The following CBFA2T3 variants were observed in gnomAD, a reference collection of about 807,000 sequenced individuals.
The protein encoded by CBFA2T3 is transcriptional corepressor CBFA2T3.
A neutral mutation model predicts 58.6 loss-of-function variants in CBFA2T3; 31 were observed. The ratio of observed to expected loss-of-function variants is 0.53; its 90% CI spans 0.40 to 0.71. The LOEUF (loss-of-function observed/expected upper bound fraction) is 0.71, where lower values mean the gene tolerates loss of function less well. Among genes scored for constraint, CBFA2T3 ranks in the 30% least tolerant of loss-of-function variants. CBFA2T3 has a pLI of 0.00. For missense variants in CBFA2T3, 1,076 were observed against 963.1 expected, an observed-to-expected ratio of 1.12 and a Z score of -1.55; for synonymous variants, 531 against 421.9, an observed-to-expected ratio of 1.26 and a Z score of -3.17.
intron 1 of CBFA2T3, among the ~76,000 whole-genome samples, chr16:88,907,252 G>C (rs544108585): frequency 6.6e-6 from 1 of 152,164 alleles, no homozygotes; most frequent in Non-Finnish European, 1.5e-5. Flanking sequence ...AGGCCTGGCC[G>C]CCCAGCACAA....
intron 1 of CBFA2T3, among the ~76,000 whole-genome samples, chr16:88,971,006 G>A (rs1331294976): frequency 6.6e-6 from 1 of 152,182 alleles, no homozygotes; most frequent in East Asian, 1.9e-4. Flanking sequence ...CCGCCAGGCA[G>A]CCGGGGCTGT....
intron 1 of CBFA2T3, among the ~76,000 whole-genome samples, chr16:88,960,430 G>A (rs1972329441): frequency 6.6e-6 from 1 of 152,248 alleles, no homozygotes; most frequent in Non-Finnish European, 1.5e-5. Flanking sequence ...AGGCCCTCGG[G>A]AGTGTCACAT....
At chr16:88,975,120 G>GACCCTCTCT (rs1567643739) in intron 1 of CBFA2T3, among the ~76,000 whole-genome samples, 125 of 108,058 alleles carry the variant, frequency 1.2e-3, no homozygotes, top group Admixed American at 9.4e-3. Context: ...AGGCCACCCT[G>GACCCTCTCT]GCCCTCTGCT....
At chr16:88,923,271 C>G (rs1970979918) in intron 1 of CBFA2T3, among the ~76,000 whole-genome samples, 1 of 152,200 alleles carries the variant, frequency 6.6e-6, no homozygotes, top group African/African-American at 2.4e-5. Flanking sequence ...CGGGGGGGAC[C>G]CGCACCCCCT....
intron 1 of CBFA2T3, among the ~76,000 whole-genome samples, chr16:88,926,749 G>T (rs1354782731): frequency 1.3e-5 from 2 of 152,228 alleles, no homozygotes; most frequent in African/African-American, 4.8e-5. Context: ...GGACGGAGGT[G>T]TTCACAGTGG....
intron 1 of CBFA2T3, among the ~76,000 whole-genome samples, chr16:88,927,333 C>T (rs1052974097): frequency 2.6e-5 from 4 of 152,334 alleles, no homozygotes; most frequent in African/African-American, 4.8e-5. Flanking sequence ...GAGGTGAGGC[C>T]GCTGGGCCCC....
intron 1 of CBFA2T3, among the ~76,000 whole-genome samples, chr16:88,934,295 G>A (rs745712443): frequency 6.6e-6 from 1 of 151,772 alleles, no homozygotes; most frequent in Non-Finnish European, 1.5e-5. Context: ...TCAGGTCACA[G>A]GAGGGGCCGA....
chr16:88,898,744 T>C (rs1007926944), intron 2 of CBFA2T3, among the ~76,000 whole-genome samples: 2 of 152,170 alleles, frequency 1.3e-5, no homozygotes, highest in Non-Finnish European at 2.9e-5. Context: ...AAGATTCGGC[T>C]GGGCTCAGTG....
chr16:88,875,264 G>A lies in CBFA2T3; in HGVS notation c.*1712C>T, dbSNP rs556447363. 2.2e-5 allele frequency: 5 copies of A among 230,112 alleles called. No homozygotes were observed. Among genetic ancestry groups the A allele is most frequent in the Admixed American group, 1.1e-4 (2 of 17,672 alleles). The allele number at this position is 230,112 out of a possible 1,614,324, so 14.3% of individuals were successfully genotyped here. On this transcript the variant is annotated 3_prime_UTR_variant, in exon 12 of 12. Transcript: ENST00000268679. ...TGCCTGCTGTCTGTCCTTGTACTCG[G>A]TGCAAGCATGAATTTCTTTATCCCT... is the stretch of plus-strand genomic sequence containing the variant.
intron 1 of CBFA2T3, among the ~76,000 whole-genome samples, chr16:88,927,968 G>A (rs1009880134): frequency 1.3e-5 from 2 of 152,160 alleles, no homozygotes; most frequent in East Asian, 1.9e-4. Flanking sequence ...AGTGGGAGCC[G>A]CAGGGAGGGC....
chr16:88,897,784 C>G (rs368036573), intron 3 of CBFA2T3, among the ~76,000 whole-genome samples: 1 of 152,248 alleles, frequency 6.6e-6, no homozygotes, highest in African/African-American at 2.4e-5. Flanking sequence ...CACTCGCAGT[C>G]AGCCCCATTG....
chr16:88,884,190 G>T (rs1382897485), intron 7 of CBFA2T3: 1 of 152,310 alleles, frequency 6.6e-6, no homozygotes, highest in Non-Finnish European at 1.5e-5. Context: ...GCCGTCACCT[G>T]CTGCCTGGGC....
chr16:88,959,631 G>A (rs563614009), intron 1 of CBFA2T3, among the ~76,000 whole-genome samples: 6 of 152,306 alleles, frequency 3.9e-5, no homozygotes, highest in Middle Eastern at 3.4e-3. Flanking sequence ...GGAAGGTCCC[G>A]GGGAAACCCT....
chr16:88,969,295 A>G (rs1972590288), intron 1 of CBFA2T3, among the ~76,000 whole-genome samples: 1 of 152,204 alleles, frequency 6.6e-6, no homozygotes, highest in Non-Finnish European at 1.5e-5. Flanking sequence ...TTGGGAGCTC[A>G]GGAGGAAGCT....
At chr16:88,898,195 G>C in intron 2 of CBFA2T3, 43 bp from the exon 3 acceptor site, 1 of 1,483,258 alleles carries the variant, frequency 6.7e-7, no homozygotes. Context: ...GAGGGGCGTG[G>C]GCAGGAGACT....
intron 1 of CBFA2T3, chr16:88,937,233 C>A (rs1567621030): frequency 6.6e-6 from 1 of 152,246 alleles, no homozygotes; most frequent in Non-Finnish European, 1.5e-5. Context: ...TCTGGGGTGT[C>A]GTTCACTGAC....
At chr16:88,974,301 C>T (rs1476010175) in intron 1 of CBFA2T3, among the ~76,000 whole-genome samples, 1 of 152,178 alleles carries the variant, frequency 6.6e-6, no homozygotes, top group Non-Finnish European at 1.5e-5. Flanking sequence ...CAAGCACCGT[C>T]TTCAGGGGTT....
At chr16:88,887,897 G>C (rs1293043629) in intron 5 of CBFA2T3, among the ~76,000 whole-genome samples, 3 of 152,232 alleles carry the variant, frequency 2.0e-5, no homozygotes, top group Non-Finnish European at 2.9e-5. Flanking sequence ...CGGTGGCTGA[G>C]GCACTAGTTG....
intron 1 of CBFA2T3, among the ~76,000 whole-genome samples, chr16:88,921,747 C>G (rs989247672): frequency 9.3e-4 from 141 of 152,372 alleles, no homozygotes; most frequent in African/African-American, 3.2e-3. Context: ...GCCGTACATC[C>G]GCGGTGCCGG....
Sources: allele counts gnomAD v4.1 joint callset (sites outside exome capture counted in the v4.1 genomes callset), GRCh38; gene constraint gnomAD v4.1.1; transcripts MANE v1.5; gene names NCBI Gene and HGNC (gene_info 2026-07-23, HGNC 2026-07-21).